CDH13: variants seen among roughly 807,000 people sequenced by gnomAD.
CDH13 encodes cadherin-13.
In CDH13, 24 loss-of-function variants were observed where a neutral mutation model predicts 63.8. The ratio of observed to expected loss-of-function variants is 0.38; its 90% CI spans 0.27 to 0.53. The LOEUF is 0.53. CDH13 is among the 20% of genes least tolerant of loss of function. The pLI is 0.85. For missense variants in CDH13, 1,049 were observed against 903.1 expected, an observed-to-expected ratio of 1.16 and a Z score of -2.07; for synonymous variants, 503 against 355.3, an observed-to-expected ratio of 1.42 and a Z score of -4.67.
chr16:83,231,124 A>G (rs1281993142), intron 5 of CDH13, among the ~76,000 whole-genome samples: 1 of 152,230 alleles, frequency 6.6e-6, no homozygotes, highest in Non-Finnish European at 1.5e-5. Flanking sequence ...ATAAGGTCAC[A>G]TTCTAGATAA....
chr16:82,931,099 G>A (rs982249412), intron 2 of CDH13, among the ~76,000 whole-genome samples: 6 of 152,142 alleles, frequency 3.9e-5, no homozygotes, highest in African/African-American at 1.2e-4. Context: ...GGGAATAATT[G>A]CAAAGAGATG....
chr16:83,475,099 A>C (rs1386226767), intron 6 of CDH13, among the ~76,000 whole-genome samples: 1 of 152,238 alleles, frequency 6.6e-6, no homozygotes, highest in African/African-American at 2.4e-5. Context: ...TTGTAAAATG[A>C]AAACTCAGGG....
chr16:83,096,563 A>C (rs780845756), intron 3 of CDH13, among the ~76,000 whole-genome samples: 5 of 152,228 alleles, frequency 3.3e-5, no homozygotes, highest in African/African-American at 4.8e-5. Context: ...TCATGATTTC[A>C]ATTCTCAGGA....
intron 3 of CDH13, among the ~76,000 whole-genome samples, chr16:83,059,219 C>T (rs183895875): frequency 2.0e-5 from 3 of 152,242 alleles, no homozygotes; most frequent in East Asian, 1.9e-4. Context: ...AAATGCTTTT[C>T]AGAATTCTCA....
At chr16:83,110,198 C>A (rs1482240513) in intron 3 of CDH13, among the ~76,000 whole-genome samples, 1 of 152,172 alleles carries the variant, frequency 6.6e-6, no homozygotes, top group Non-Finnish European at 1.5e-5. Context: ...TTCAGGATGG[C>A]CCAACTGTAC....
intron 7 of CDH13, among the ~76,000 whole-genome samples, chr16:83,578,280 A>G (rs1007498405): frequency 6.6e-6 from 1 of 152,190 alleles, no homozygotes; most frequent in Non-Finnish European, 1.5e-5. Context: ...ACCATTTCTC[A>G]CAGCCGCGGG....
chr16:83,346,856 T>C (rs1291277177), intron 6 of CDH13, among the ~76,000 whole-genome samples: 1 of 152,222 alleles, frequency 6.6e-6, no homozygotes, highest in Non-Finnish European at 1.5e-5. Context: ...CACAGAGTTA[T>C]TCAGTTAGAG....
intron 1 of CDH13, among the ~76,000 whole-genome samples, chr16:82,740,030 C>T (rs74030809): frequency 0.01 from 1,586 of 152,168 alleles, 26 homozygotes; most frequent in African/African-American, 0.037. Context: ...TCTGGTAAAC[C>T]TTTCTTTATC....
intron 1 of CDH13, chr16:82,824,843 T>G (rs747922829): frequency 6.6e-6 from 1 of 152,262 alleles, no homozygotes; most frequent in Non-Finnish European, 1.5e-5. Flanking sequence ...TAGAATAATA[T>G]GAACAAAGAC....
intron 5 of CDH13, among the ~76,000 whole-genome samples, chr16:83,317,959 C>G (rs2090141207): frequency 1.3e-5 from 2 of 152,154 alleles, no homozygotes; most frequent in Admixed American, 6.5e-5. Context: ...ACATCCTTCT[C>G]AGGTGGACTG....
intron 2 of CDH13, among the ~76,000 whole-genome samples, chr16:82,988,678 C>T (rs972384599): frequency 9.2e-5 from 14 of 151,558 alleles, no homozygotes; most frequent in African/African-American, 3.4e-4. Flanking sequence ...AGGAGAATTG[C>T]TTGAACCCGG....
chr16:83,010,135 CAAAAAAA>C (rs67985333), intron 2 of CDH13, among the ~76,000 whole-genome samples: 1,005 of 50,100 alleles, frequency 0.02, 16 homozygotes, highest in South Asian at 0.035. Flanking sequence ...AACTCTGTCT[CAAAAAAA>C]AAAAAAAAAA....
At chr16:83,314,811 A>T (rs1414918078) in intron 5 of CDH13, among the ~76,000 whole-genome samples, 1 of 152,236 alleles carries the variant, frequency 6.6e-6, no homozygotes, top group Non-Finnish European at 1.5e-5. Context: ...ACTTCATTCT[A>T]AGAGCTTTGG....
chr16:82,745,069 G>C (rs1168283765), intron 1 of CDH13, among the ~76,000 whole-genome samples: 2 of 152,166 alleles, frequency 1.3e-5, no homozygotes, highest in Non-Finnish European at 2.9e-5. Context: ...CAAAAGGTTA[G>C]AGTTCAGATT....
chr16:83,440,627 A>G lies in CDH13; in HGVS notation c.782-45850A>G, dbSNP rs1372543647. Among the ~76,000 whole-genome samples the G allele has an allele frequency of 7.2e-5, 11 of 152,204 alleles. No individual in the cohort carries two copies. In the South Asian group the frequency reaches 2.3e-3, roughly 32 times the overall value. On this transcript the variant is annotated intron_variant, in intron 6 of 13. Coordinates refer to ENST00000567109, the MANE Select transcript of CDH13 (RefSeq NM_001257.5). ...TGGTGAAACCGTATCTCTACTAAAA[A>G]TACAAAAATTAACTGAGCATAGTGG...
At chr16:82,810,043 C>T (rs1055884897) in intron 1 of CDH13, among the ~76,000 whole-genome samples, 5 of 152,168 alleles carry the variant, frequency 3.3e-5, no homozygotes, top group Non-Finnish European at 5.9e-5. Context: ...TGCCTTAGCA[C>T]GCTCTCATGT....
chr16:83,523,115 T>A (rs2074879037), intron 7 of CDH13, among the ~76,000 whole-genome samples: 1 of 152,204 alleles, frequency 6.6e-6, no homozygotes, highest in East Asian at 1.9e-4. Flanking sequence ...TTATAGGTGC[T>A]TCTTCCTCAT....
chr16:82,847,493 C>T (rs1461747945), intron 1 of CDH13, among the ~76,000 whole-genome samples: 2 of 152,206 alleles, frequency 1.3e-5, no homozygotes, highest in South Asian at 4.1e-4. Flanking sequence ...ACTCTGCCCT[C>T]ACCTTCATCA....
chr16:83,360,802 G>A lies in CDH13; in HGVS notation c.781+15796G>A, dbSNP rs549979433. Reference sequence around the variant, plus strand: ...AGGATATGAGTTCATTCTTTTCTATGGCTGCATAGTATTCTGTGGTGTATG... The same window carrying A: ...AGGATATGAGTTCATTCTTTTCTATAGCTGCATAGTATTCTGTGGTGTATG... On this transcript the variant is annotated intron_variant, in intron 6 of 13. Transcript: ENST00000567109. 5.9e-5 allele frequency among the ~76,000 whole-genome samples: 9 copies of A among 152,192 alleles called. No homozygotes were observed. The South Asian group carries it at 1.5e-3, about 25-fold the overall frequency.
Sources: allele counts gnomAD v4.1 joint callset (sites outside exome capture counted in the v4.1 genomes callset), GRCh38; gene constraint gnomAD v4.1.1; transcripts MANE v1.5; gene names NCBI Gene and HGNC (gene_info 2026-07-23, HGNC 2026-07-21).